FMN1: variants seen among roughly 807,000 people sequenced by gnomAD.
The protein encoded by FMN1 is formin-1.
FMN1 carries 110 observed loss-of-function variants against 132.4 expected under a neutral mutation model. The observed-to-expected ratio is 0.83, with a 90% confidence interval of 0.71 to 0.97. The LOEUF (loss-of-function observed/expected upper bound fraction) is 0.97, where lower values mean the gene tolerates loss of function less well. FMN1 is among the 50% of genes least tolerant of loss of function. The probability of loss-of-function intolerance (pLI) is 0.00; values close to 1 mark genes in which losing one functional copy is unlikely to be tolerated. For missense variants in FMN1, 1,792 were observed against 1,705.3 expected, an observed-to-expected ratio of 1.05 and a Z score of -0.90; for synonymous variants, 722 against 651.7, an observed-to-expected ratio of 1.11 and a Z score of -1.64.
rs201717766 is a variant in FMN1, at chr15:33,041,691, T to TA, written c.2161+23265dup. The stretch of plus-strand genomic sequence containing the variant: ...ATCTCATACCCATTAAAACGGCTAT[T>TA]AAAAAAAAACGGTAAATAAGTGTTG... On this transcript the variant is annotated intron_variant, in intron 6 of 20. Transcript: ENST00000616417. Among the ~76,000 whole-genome samples the TA allele has an allele frequency of 6.6e-5, 10 of 150,576 alleles. No individual in the cohort carries two copies. The South Asian group carries it at 8.4e-4, about 13-fold the overall frequency.
At chr15:33,002,471 G>A (rs575639285) in intron 7 of FMN1, among the ~76,000 whole-genome samples, 1 of 152,264 alleles carries the variant, frequency 6.6e-6, no homozygotes, top group East Asian at 1.9e-4. Flanking sequence ...TTGTCTGTTC[G>A]TTTTACGAAC....
chr15:32,816,685 C>T (rs2058069860), intron 17 of FMN1, among the ~76,000 whole-genome samples: 1 of 147,626 alleles, frequency 6.8e-6, no homozygotes, highest in Admixed American at 6.8e-5. Flanking sequence ...TTTATAGGTT[C>T]CTGCTGAAAA....
chr15:33,115,330 G>A (rs1375909819), intron 4 of FMN1, among the ~76,000 whole-genome samples: 1 of 152,142 alleles, frequency 6.6e-6, no homozygotes, highest in South Asian at 2.1e-4. Context: ...AATCTAACGA[G>A]TCAAATCAGA....
intron 5 of FMN1, chr15:33,066,488 A>C: frequency 1.4e-6 from 2 of 1,473,440 alleles, no homozygotes; most frequent in Non-Finnish European, 1.8e-6. Flanking sequence ...TTATGTTAAA[A>C]TGCAAAACCC....
At chr15:33,044,820 G>C (rs1454493349) in intron 6 of FMN1, among the ~76,000 whole-genome samples, 1 of 152,196 alleles carries the variant, frequency 6.6e-6, no homozygotes, top group East Asian at 1.9e-4. Context: ...GGTCTCCTCT[G>C]AGCTGCTCTA....
At chr15:33,172,794 G>C (rs1420708939) in intron 3 of FMN1, among the ~76,000 whole-genome samples, 6 of 152,284 alleles carry the variant, frequency 3.9e-5, no homozygotes, top group African/African-American at 1.4e-4. Context: ...ATTAAAGACT[G>C]TCAATATTCT....
chr15:32,857,864 C>A (rs932008868), intron 16 of FMN1, among the ~76,000 whole-genome samples: 2 of 152,140 alleles, frequency 1.3e-5, no homozygotes, highest in African/African-American at 4.8e-5. Flanking sequence ...TCACAAAAGG[C>A]AGTTAACCCA....
At chr15:32,883,716 A>G (rs2339161) in intron 16 of FMN1, among the ~76,000 whole-genome samples, 4,860 of 152,172 alleles carry the variant, frequency 0.032, 255 homozygotes, top group African/African-American at 0.11. Flanking sequence ...AGTACCTTTT[A>G]CACAACTTAT....
intron 16 of FMN1, among the ~76,000 whole-genome samples, chr15:32,880,882 G>A (rs2141436914): frequency 6.6e-6 from 1 of 152,240 alleles, no homozygotes; most frequent in African/African-American, 2.4e-5. Flanking sequence ...ATTCTGAAAT[G>A]TTCTAGTAAT....
intron 2 of FMN1, among the ~76,000 whole-genome samples, chr15:33,192,571 G>C (rs970369914): frequency 3.3e-5 from 5 of 152,208 alleles, no homozygotes; most frequent in African/African-American, 1.2e-4. Flanking sequence ...CTAAGAATCG[G>C]CTAAGTACTT....
chr15:32,997,231 A>G (rs970795876), intron 7 of FMN1, among the ~76,000 whole-genome samples: 2 of 152,158 alleles, frequency 1.3e-5, no homozygotes, highest in African/African-American at 2.4e-5. Context: ...ACCTCAGTAG[A>G]GAGAACAGAA....
rs750910359 is a variant in FMN1, at chr15:33,001,109, C to T, written c.2223+6905G>A. On this transcript the variant is annotated intron_variant, in intron 7 of 20. Coordinates refer to ENST00000616417, the MANE Select transcript of FMN1 (RefSeq NM_001277313.2). ...ATCAGCCTGGCCAACATGGCCAAAC[C>T]CTGTCTCAACTAAAAATACAAAAAT... 5.3e-5 allele frequency among the ~76,000 whole-genome samples: 8 copies of T among 152,178 alleles called. No homozygotes were observed. The East Asian group carries it at 1.5e-3, about 29-fold the overall frequency.
chr15:32,930,243 T>C (rs940265975), intron 9 of FMN1, among the ~76,000 whole-genome samples: 20 of 152,112 alleles, frequency 1.3e-4, no homozygotes, highest in African/African-American at 4.8e-4. Flanking sequence ...CGCCTTGGCC[T>C]CCCCAAATGC....
At chr15:33,136,349 T>C (rs1963764803) in intron 4 of FMN1, among the ~76,000 whole-genome samples, 2 of 152,212 alleles carry the variant, frequency 1.3e-5, no homozygotes, top group Admixed American at 6.5e-5. Flanking sequence ...TGGGAGAATA[T>C]GAAAAACACA....
chr15:32,779,368 T>C (rs2056591021), intron 19 of FMN1, among the ~76,000 whole-genome samples: 1 of 152,236 alleles, frequency 6.6e-6, no homozygotes, highest in South Asian at 2.1e-4. Context: ...AGCATGATAG[T>C]ATTTCTTACC....
intron 6 of FMN1, among the ~76,000 whole-genome samples, chr15:33,009,389 T>TA (rs1421265404): frequency 6.6e-6 from 1 of 152,150 alleles, no homozygotes; most frequent in Admixed American, 6.5e-5. Flanking sequence ...TTCACGCAAT[T>TA]AGAGTGAAAT....
intron 9 of FMN1, among the ~76,000 whole-genome samples, chr15:32,929,465 T>C (rs111978061): frequency 1.3e-5 from 2 of 152,310 alleles, no homozygotes; most frequent in African/African-American, 2.4e-5. Context: ...TGTATCCTAT[T>C]AACAAAAATT....
At chr15:33,047,167 C>T (rs2036726168) in intron 6 of FMN1, among the ~76,000 whole-genome samples, 2 of 152,162 alleles carry the variant, frequency 1.3e-5, no homozygotes, top group East Asian at 3.8e-4. Context: ...GTGGCCTTTA[C>T]CATTTGCTGA....
chr15:33,001,268 AG>A (rs948390580), intron 7 of FMN1, among the ~76,000 whole-genome samples: 46 of 152,312 alleles, frequency 3.0e-4, no homozygotes, highest in African/African-American at 1.1e-3. Flanking sequence ...GGGTAACAAG[AG>A]TAAGACTCCG....
Sources: gnomAD v4.1 joint callset for allele counts (sites outside exome capture counted in the v4.1 genomes callset) on GRCh38, gnomAD v4.1.1 for gene constraint, MANE v1.5 for transcripts, NCBI Gene and HGNC (gene_info 2026-07-23, HGNC 2026-07-21) for gene names.